Variants in CDH12 observed in about 807,000 individuals in gnomAD.
CDH12 encodes cadherin 12.
In CDH12, 41 loss-of-function variants were observed where a neutral mutation model predicts 74.1. The ratio of observed to expected loss-of-function variants is 0.55; its 90% CI spans 0.43 to 0.72. The LOEUF (loss-of-function observed/expected upper bound fraction) is 0.72. CDH12 is among the 30% of genes least tolerant of loss of function. The pLI is 0.00. For synonymous variants in CDH12, 399 were observed against 355.0 expected (o/e 1.12, Z -1.39); for missense variants, 945 against 977.2 (o/e 0.97, Z 0.44).
chr5:22,459,938 A>T (rs1446955861), intron 2 of CDH12, among the ~76,000 whole-genome samples: 1 of 152,196 alleles, frequency 6.6e-6, no homozygotes, highest in African/African-American at 2.4e-5. Context: ...ACTGTACTCC[A>T]ACCGGGGCAA....
intron 3 of CDH12, among the ~76,000 whole-genome samples, chr5:22,279,492 A>G (rs948888986): frequency 5.3e-5 from 8 of 152,114 alleles, no homozygotes; most frequent in African/African-American, 1.7e-4. Flanking sequence ...CGTCATTTAC[A>G]TTAGGTATAT....
intron 4 of CDH12, chr5:22,212,101 G>A (rs1182044499): frequency 1.3e-5 from 2 of 151,488 alleles, no homozygotes; most frequent in Non-Finnish European, 2.9e-5. Context: ...ATCTCAACTC[G>A]CATTTGCAAA....
At position 22,087,933 on chromosome 5, in the gene CDH12, T is replaced by C. The variant is rs537209981; in HGVS notation, c.-186-9071A>G. ...CTCAGAAAATCAGCTCAGAGTAAGT[T>C]TGGAGAAAATTCCAGTTGTAGTAAT... On this transcript the variant is annotated intron_variant, in intron 4 of 14. Coordinates refer to ENST00000382254, the MANE Select transcript of CDH12 (RefSeq NM_004061.5). Among the ~76,000 whole-genome samples, 4 of 152,236 alleles carry C rather than the reference T, an allele frequency of 2.6e-5. No homozygotes were observed. In the East Asian group the frequency reaches 5.8e-4, roughly 22 times the overall value.
intron 1 of CDH12, among the ~76,000 whole-genome samples, chr5:22,562,859 T>C (rs1297823960): frequency 7.2e-6 from 1 of 139,518 alleles, no homozygotes; most frequent in Non-Finnish European, 1.6e-5. Flanking sequence ...TCTCTTATAG[T>C]CTATATATTT....
chr5:22,106,222 C>A (rs904697861), intron 4 of CDH12, among the ~76,000 whole-genome samples: 1 of 151,994 alleles, frequency 6.6e-6, no homozygotes, highest in Non-Finnish European at 1.5e-5. Flanking sequence ...ATACAACAAC[C>A]CGGTGACATG....
chr5:22,250,144 A>G (rs1457530518), intron 3 of CDH12, among the ~76,000 whole-genome samples: 3 of 152,126 alleles, frequency 2.0e-5, no homozygotes, highest in African/African-American at 7.2e-5. Flanking sequence ...TGAGCTAAGT[A>G]TGCACTGGAG....
intron 1 of CDH12, among the ~76,000 whole-genome samples, chr5:22,554,858 C>A (rs768702382): frequency 6.6e-5 from 10 of 152,056 alleles, no homozygotes; most frequent in Non-Finnish European, 1.2e-4. Context: ...CATTTAAAAT[C>A]TATTTAAGTA....
chr5:22,349,873 T>C (rs1239644043), intron 3 of CDH12, among the ~76,000 whole-genome samples: 1 of 152,208 alleles, frequency 6.6e-6, no homozygotes, highest in Non-Finnish European at 1.5e-5. Context: ...TAGCTGGGAC[T>C]ACAGGCGCAG....
intron 6 of CDH12, among the ~76,000 whole-genome samples, chr5:21,889,175 G>C (rs1374796562): frequency 6.6e-6 from 1 of 151,900 alleles, no homozygotes; most frequent in African/African-American, 2.4e-5. Context: ...GTTTCAATAA[G>C]GGAATGAGAA....
At chr5:22,133,401 G>C (rs910403328) in intron 4 of CDH12, among the ~76,000 whole-genome samples, 1 of 152,070 alleles carries the variant, frequency 6.6e-6, no homozygotes, top group African/African-American at 2.4e-5. Flanking sequence ...ATCCAGTTCA[G>C]AAATCTGTGG....
chr5:21,752,991 T>C (rs889985758), intron 14 of CDH12, among the ~76,000 whole-genome samples: 1 of 152,198 alleles, frequency 6.6e-6, no homozygotes, highest in South Asian at 2.1e-4. Flanking sequence ...TTATGTACTT[T>C]TATTATCAAA....
intron 11 of CDH12, among the ~76,000 whole-genome samples, chr5:21,782,201 C>G (rs549107143): frequency 6.6e-6 from 1 of 152,284 alleles, no homozygotes; most frequent in South Asian, 2.1e-4. Flanking sequence ...AACGTGGCCT[C>G]TCTAGTATGG....
At chr5:22,828,350 T>G (rs1736432653) in intron 1 of CDH12, among the ~76,000 whole-genome samples, 1 of 152,142 alleles carries the variant, frequency 6.6e-6, no homozygotes, top group Non-Finnish European at 1.5e-5. Flanking sequence ...GAACAAATGG[T>G]CTTATCAAAA....
At chr5:22,477,334 G>C (rs116839170) in intron 2 of CDH12, among the ~76,000 whole-genome samples, 2,817 of 152,196 alleles carry the variant, frequency 0.019, 45 homozygotes, top group Non-Finnish European at 0.029. Context: ...GAGAACATGT[G>C]GTTTTTGGTT....
intron 1 of CDH12, among the ~76,000 whole-genome samples, chr5:22,836,853 C>A (rs192832775): frequency 6.6e-6 from 1 of 152,216 alleles, no homozygotes; most frequent in African/African-American, 2.4e-5. Context: ...GTGACCAATC[C>A]AGAACTCCTG....
chr5:21,778,841 T>C (rs1745747406), intron 11 of CDH12, among the ~76,000 whole-genome samples: 1 of 152,154 alleles, frequency 6.6e-6, no homozygotes, highest in Non-Finnish European at 1.5e-5. Context: ...ATCTGAATTA[T>C]AGGTACCAAT....
chr5:22,368,784 C>A (rs1741143785), intron 3 of CDH12, among the ~76,000 whole-genome samples: 1 of 146,060 alleles, frequency 6.8e-6, no homozygotes, highest in Admixed American at 7.3e-5. Context: ...AAGAGGTTGA[C>A]CTCAAAAGTG....
rs191687782 is a variant in CDH12, at chr5:22,697,469, G to A, written c.-523+155589C>T. On this transcript the variant is annotated intron_variant, in intron 1 of 14. Coordinates refer to ENST00000382254, the MANE Select transcript of CDH12 (RefSeq NM_004061.5). ...CCCCTGTGGTCCCAGCTACTCGGGA[G>A]GCTGAGACGGGAGAATGGCGTGAAC... Among the ~76,000 whole-genome samples, 1,080 of 151,762 alleles carry A rather than the reference G, an allele frequency of 7.1e-3. 7 individuals carry two copies. Among genetic ancestry groups the A allele is most frequent in the Middle Eastern group, 0.054 (16 of 294 alleles).
chr5:21,833,260 C>CATATAAT (rs1749271385), intron 8 of CDH12, among the ~76,000 whole-genome samples: 1 of 25,520 alleles, frequency 3.9e-5, no homozygotes, highest in Non-Finnish European at 5.2e-5. Flanking sequence ...TATTATATAA[C>CATATAAT]ATATAATATA....
Sources: allele counts gnomAD v4.1 joint callset (sites outside exome capture counted in the v4.1 genomes callset), GRCh38; gene constraint gnomAD v4.1.1; transcripts MANE v1.5; gene names NCBI Gene and HGNC (gene_info 2026-07-23, HGNC 2026-07-21).